The following ZNF704 variants were observed in gnomAD, a reference collection of about 807,000 sequenced individuals.
The protein encoded by ZNF704 is glucocorticoid induced gene 1.
A neutral mutation model predicts 44.7 loss-of-function variants in ZNF704; 10 were observed. That is an observed-to-expected ratio of 0.22 (90% CI 0.14 to 0.38). ZNF704 has a LOEUF of 0.38. Ranked by LOEUF, ZNF704 falls within the 10% of genes least tolerant of loss-of-function variation. ZNF704 has a pLI of 1.00. For synonymous variants in ZNF704, 211 were observed against 207.6 expected (o/e 1.02, Z -0.14); for missense variants, 390 against 545.5 (o/e 0.71, Z 2.84).
At chr8:80,823,416 G>A (rs1000531370) in intron 1 of ZNF704, among the ~76,000 whole-genome samples, 9 of 152,202 alleles carry the variant, frequency 5.9e-5, no homozygotes, top group Admixed American at 2.0e-4. Context: ...TAAGCACAAC[G>A]GCTGGGAAGC....
intron 2 of ZNF704, among the ~76,000 whole-genome samples, chr8:80,769,380 C>A (rs1807281281): frequency 1.3e-5 from 2 of 152,194 alleles, no homozygotes; most frequent in South Asian, 4.1e-4. Flanking sequence ...TCTGTTTTCA[C>A]ACTGCTGATA....
At chr8:80,796,623 T>C (rs1807805134) in intron 2 of ZNF704, among the ~76,000 whole-genome samples, 1 of 152,088 alleles carries the variant, frequency 6.6e-6, no homozygotes, top group Non-Finnish European at 1.5e-5. Context: ...AAGTCCAAAG[T>C]CTCATCTGTG....
At chr8:80,844,973 C>T in intron 1 of ZNF704, among the ~76,000 whole-genome samples, 1 of 151,980 alleles carries the variant, frequency 6.6e-6, no homozygotes, top group East Asian at 1.9e-4. Flanking sequence ...AGTCACTGCA[C>T]CCAGCCTGGA....
chr8:80,872,471 A>G (rs945785665), intron 1 of ZNF704, among the ~76,000 whole-genome samples: 1 of 152,162 alleles, frequency 6.6e-6, no homozygotes, highest in East Asian at 1.9e-4. Context: ...GTGGTCTCTA[A>G]CTATTAAGCT....
At chr8:80,705,961 T>G (rs1818889082) in intron 2 of ZNF704, among the ~76,000 whole-genome samples, 1 of 152,188 alleles carries the variant, frequency 6.6e-6, no homozygotes, top group South Asian at 2.1e-4. Flanking sequence ...CCTGGAGTCC[T>G]GGGGAGCACC....
At chr8:80,728,338 C>G (rs1806519617) in intron 2 of ZNF704, among the ~76,000 whole-genome samples, 1 of 152,184 alleles carries the variant, frequency 6.6e-6, no homozygotes, top group Non-Finnish European at 1.5e-5. Flanking sequence ...CACAATACAG[C>G]TCTTGTGGAT....
rs569331818 is a variant in ZNF704 at position 80,634,121 on chromosome 8, C to T, written c.*7245G>A. Reference sequence around the variant, plus strand: ...TTGGCACAAGGAGGCAATGTGTGCTCGCTTCAAGCTTCAGAGGCTCCTGGC... The same window carrying T: ...TTGGCACAAGGAGGCAATGTGTGCTTGCTTCAAGCTTCAGAGGCTCCTGGC... On this transcript the variant is annotated 3_prime_UTR_variant, in exon 9 of 9. Coordinates refer to ENST00000327835, the MANE Select transcript of ZNF704 (RefSeq NM_001033723.3). 2 of 152,306 alleles carry T rather than the reference C, an allele frequency of 1.3e-5. No homozygotes were observed. Among genetic ancestry groups the T allele is most frequent in the South Asian group, 2.1e-4 (1 of 4,814 alleles). The allele number at this position is 152,306 out of a possible 1,614,324, so 9.4% of individuals were successfully genotyped here.
At chr8:80,722,918 GA>G (rs1296854030) in intron 2 of ZNF704, among the ~76,000 whole-genome samples, 1 of 152,230 alleles carries the variant, frequency 6.6e-6, no homozygotes, top group Non-Finnish European at 1.5e-5. Context: ...CAATTAGGAA[GA>G]TCAGTGTTGG....
At chr8:80,813,155 C>T (rs1456245076) in intron 2 of ZNF704, among the ~76,000 whole-genome samples, 2 of 152,156 alleles carry the variant, frequency 1.3e-5, no homozygotes, top group Admixed American at 1.3e-4. Context: ...TACCGGTCCA[C>T]CTGAAGTTTC....
At chr8:80,731,490 T>C (rs542743792) in intron 2 of ZNF704, among the ~76,000 whole-genome samples, 2 of 152,292 alleles carry the variant, frequency 1.3e-5, no homozygotes, top group Non-Finnish European at 2.9e-5. Context: ...AAAATATACA[T>C]ACTAATGGGA....
At chr8:80,689,669 G>A (rs1436980476) in intron 3 of ZNF704, among the ~76,000 whole-genome samples, 1 of 152,184 alleles carries the variant, frequency 6.6e-6, no homozygotes, top group African/African-American at 2.4e-5. Context: ...GTATAATCAT[G>A]TTAAGTATGA....
At chr8:80,754,017 C>A (rs1806993528) in intron 2 of ZNF704, among the ~76,000 whole-genome samples, 1 of 152,120 alleles carries the variant, frequency 6.6e-6, no homozygotes, top group African/African-American at 2.4e-5. Context: ...CAAGCAGCTG[C>A]CAGTCTTACT....
intron 2 of ZNF704, 49 bp downstream of exon 2, chr8:80,821,325 T>TC (rs749722155): frequency 1.3e-6 from 2 of 1,568,970 alleles, no homozygotes; most frequent in South Asian, 2.2e-5. Flanking sequence ...ATGCATGCTC[T>TC]CCACCAACTT....
chr8:80,742,623 A>G (rs995952503), intron 2 of ZNF704, among the ~76,000 whole-genome samples: 4 of 152,290 alleles, frequency 2.6e-5, no homozygotes, highest in African/African-American at 9.6e-5. Flanking sequence ...TCCAGAATCA[A>G]AGGTGTAAAA....
intron 5 of ZNF704, among the ~76,000 whole-genome samples, chr8:80,668,410 G>A (rs1321842005): frequency 2.0e-5 from 3 of 152,204 alleles, no homozygotes; most frequent in Admixed American, 6.5e-5. Flanking sequence ...AGGCTGAGGC[G>A]CCTGGGGAGG....
chr8:80,787,982 CTTTCCCA>C (rs1372226139), intron 2 of ZNF704, among the ~76,000 whole-genome samples: 2 of 152,178 alleles, frequency 1.3e-5, no homozygotes, highest in Non-Finnish European at 2.9e-5. Context: ...CCGGTTCCTA[CTTTCCCA>C]TATTAGCAGG....
chr8:80,758,963 C>G (rs1328248955), intron 2 of ZNF704, among the ~76,000 whole-genome samples: 1 of 152,130 alleles, frequency 6.6e-6, no homozygotes, highest in Non-Finnish European at 1.5e-5. Flanking sequence ...GGTTATATAG[C>G]AAGTAAGTGG....
chr8:80,680,670 A>C (rs1818439127), intron 4 of ZNF704, among the ~76,000 whole-genome samples: 1 of 152,178 alleles, frequency 6.6e-6, no homozygotes, highest in African/African-American at 2.4e-5. Flanking sequence ...AACTTCCTAG[A>C]AGCTGGTAGG....
intron 2 of ZNF704, among the ~76,000 whole-genome samples, chr8:80,783,045 A>T (rs982842790): frequency 1.3e-5 from 2 of 152,176 alleles, no homozygotes; most frequent in Admixed American, 1.3e-4. Flanking sequence ...TAAACTACAA[A>T]ATCAAAGCAT....
Sources: allele counts gnomAD v4.1 joint callset (sites outside exome capture counted in the v4.1 genomes callset), GRCh38; gene constraint gnomAD v4.1.1; transcripts MANE v1.5; gene names NCBI Gene and HGNC (gene_info 2026-07-23, HGNC 2026-07-21).